HYOU1: variants seen among roughly 807,000 people sequenced by gnomAD.
HYOU1 encodes the protein hypoxia up-regulated 1, also known as hypoxia up-regulated protein 1.
Under a neutral mutation model 120.5 loss-of-function variants are expected in HYOU1, and 40 were observed. That is an observed-to-expected ratio of 0.33 (90% CI 0.26 to 0.43). The LOEUF (loss-of-function observed/expected upper bound fraction) is 0.43, where lower values mean the gene tolerates loss of function less well. Among genes scored for constraint, HYOU1 ranks in the 20% least tolerant of loss-of-function variants. HYOU1 has a pLI of 1.00. For synonymous variants in HYOU1, 501 were observed against 479.4 expected (o/e 1.05, Z -0.59); for missense variants, 1,085 against 1,278.3 (o/e 0.85, Z 2.31).
At position 119,049,527 on chromosome 11, in the gene HYOU1, A is replaced by G. The variant is rs2133573733; in HGVS notation, c.1806+29T>C. 8 of 1,611,556 alleles carry G rather than the reference A, an allele frequency of 5.0e-6. No individual in the cohort carries two copies. In the African/African-American group the frequency reaches 1.1e-4, roughly 22 times the overall value. ...CTACCTGCATCCCCCACCGTCCTCCATGCTTCCCTGGCTCCATCCTGAACT... is the reference window on the plus strand; with the variant it reads ...CTACCTGCATCCCCCACCGTCCTCCGTGCTTCCCTGGCTCCATCCTGAACT... On this transcript the variant is annotated intron_variant, in intron 16 of 25. Transcript: ENST00000617285.
rs1944413246 is a variant in HYOU1, at chr11:119,051,145, C to T, written c.1555G>A (p.Val519Met). 1.9e-6 allele frequency: 3 copies of T among 1,614,100 alleles called. No individual in the cohort carries two copies. In the South Asian group the frequency reaches 3.3e-5, roughly 18 times the overall value. Reference sequence around the variant, plus strand: ...CTGTCACCCACCCCTTTTAGCTTCACTGTGGTCAGATTCTGGGAGCCAAAT... The same window carrying T: ...CTGTCACCCACCCCTTTTAGCTTCATTGTGGTCAGATTCTGGGAGCCAAAT... The part of the protein sequence containing the change: ...RVFGSQNLTT[V>M]KLKGVGDSFK... The change falls in exon 14 of 26, where the codon GTG becomes ATG. Residue 519 changes from valine (V) to methionine (M), a missense_variant. Transcript: ENST00000617285. This position sits in a 1 kb window ranked among gnomAD's most constrained non-coding sequence, Gnocchi z 4.2.
chr11:119,054,914 C>G, intron 6 of HYOU1, 70 bp downstream of exon 6: 1 of 1,495,050 alleles, frequency 6.7e-7, no homozygotes, highest in Non-Finnish European at 9.2e-7. Context: ...GGCAAACTTG[C>G]CCCTGTTGGA....
chr11:119,046,880 C>T (rs1228050760), intron 22 of HYOU1, 78 bp from the exon 23 acceptor site: 13 of 1,534,436 alleles, frequency 8.5e-6, no homozygotes, highest in Middle Eastern at 2.4e-4. Flanking sequence ...AATCACACCC[C>T]CAACCAGCCT....
In HYOU1 at chr11:119,052,253, CCCTTTCCTACGGGGCATTCCCG is replaced by C; in HGVS notation, c.1122+20_1122+41del. ...CTTGACGTCCCATGGGTTTCCTATG[CCCTTTCCTACGGGGCATTCCCG>C]CCTTCCCCTACTCGCTCACCAGACT... On this transcript the variant is annotated intron_variant, in intron 10 of 25. Coordinates refer to ENST00000617285, the MANE Select transcript of HYOU1 (RefSeq NM_006389.5). The surrounding 1 kb of genome is among the most constrained non-coding windows in gnomAD (Gnocchi z 5.0). 6.2e-7 allele frequency: 1 copy of C among 1,614,060 alleles called. No individual in the cohort carries two copies. Among genetic ancestry groups the C allele is most frequent in the Non-Finnish European group, 8.5e-7 (1 of 1,179,944 alleles).
Position 119,047,838 on chromosome 11 carries a change from C to T in HYOU1, c.2511-20G>A. On this transcript the variant is annotated intron_variant, in intron 21 of 25. Coordinates refer to ENST00000617285, the MANE Select transcript of HYOU1 (RefSeq NM_006389.5). ...GCCCCCCTGGAAGCCAGAAAGGAGA[C>T]CATTAGCCCCAGAGGGAGAGGGGCC... The T allele has an allele frequency of 6.2e-7, 1 of 1,613,442 alleles. No individual in the cohort carries two copies. The highest frequency in any genetic ancestry group is 8.5e-7 in the Non-Finnish European group (1 of 1,179,664).
Position 119,054,588 on chromosome 11 carries a change from G to A in HYOU1, c.584C>T (p.Ala195Val). The stretch of plus-strand genomic sequence containing the variant: ...GATGAGCTGCAGCACTTTGAGGCCA[G>A]CCATACGAGCAGCCTGCAGCACAGC... The part of the protein sequence containing the change: ...RRAVLQAARM[A>V]GLKVLQLIND... Residue 195 changes from alanine (A) to valine (V), a missense_variant, in exon 7 of 26, where the codon GCT becomes GTT. Ala to Val is a moderately conservative substitution (Grantham distance 64). Coordinates refer to ENST00000617285, the MANE Select transcript of HYOU1 (RefSeq NM_006389.5). The A allele has an allele frequency of 1.2e-6, 2 of 1,614,154 alleles. No individual in the cohort carries two copies. The highest frequency in any genetic ancestry group is 2.2e-5 in the South Asian group (2 of 91,086).
At chr11:119,054,094 A>G in intron 8 of HYOU1, 27 bp downstream of exon 8, 1 of 1,445,828 alleles carries the variant, frequency 6.9e-7, no homozygotes, top group African/African-American at 1.4e-5. Context: ...CTTCACAAGC[A>G]GCCCTCCCTG....
rs2133544638 is a variant in HYOU1 at position 119,045,774 on chromosome 11, T to C, written c.2938+7A>G. On this transcript the variant is annotated splice_region_variant and intron_variant, in intron 25 of 25. Coordinates refer to ENST00000617285, the MANE Select transcript of HYOU1 (RefSeq NM_006389.5). Reference sequence around the variant, plus strand: ...GCTTCCCACCGTAGCCCCGGCTCCATCCTCACCTGCTCCAGGACCTCCTAA... The same window carrying C: ...GCTTCCCACCGTAGCCCCGGCTCCACCCTCACCTGCTCCAGGACCTCCTAA... 4 of 1,612,960 alleles carry C rather than the reference T, an allele frequency of 2.5e-6. No homozygotes were observed. The highest frequency in any genetic ancestry group is 8.5e-7 in the Non-Finnish European group (1 of 1,179,748).
Position 119,052,467 on chromosome 11 carries a change from A to G in HYOU1, c.988-38T>C. On this transcript the variant is annotated intron_variant, in intron 9 of 25. Transcript: ENST00000617285. This position sits in a 1 kb window ranked among gnomAD's most constrained non-coding sequence, Gnocchi z 5.0. ...GGGGACTGTCAGGGGGTTCTTGCCC[A>G]GCTCCCGCTCTCTTGGTGAGTAGGA... 2 of 1,613,896 alleles carry G rather than the reference A, an allele frequency of 1.2e-6. No individual in the cohort carries two copies. The highest frequency in any genetic ancestry group is 1.7e-6 in the Non-Finnish European group (2 of 1,179,970).
intron 14 of HYOU1, among the ~76,000 whole-genome samples, chr11:119,050,205 G>A (rs1010899488): frequency 3.3e-5 from 5 of 152,078 alleles, no homozygotes; most frequent in African/African-American, 1.2e-4. Context: ...TGAGGTCAGG[G>A]GTTTGAGACC....
At position 119,049,606 on chromosome 11, in the gene HYOU1, C is replaced by T. The variant is rs2133574467; in HGVS notation, c.1756G>A (p.Gly586Arg). ...KLGNTISSLF[G>R]GGTTPDAKEN... ...TTGGCATCTGGTGTGGTACCGCCTC[C>T]AAACAGGCTGGAAATGGTGTTGCCA... The change falls in exon 16 of 26, where the codon GGA (glycine) becomes AGA (arginine). Residue 586 changes from glycine to arginine, a missense_variant. Physicochemically the swap from Gly to Arg is moderately radical, Grantham distance 125. Coordinates refer to ENST00000617285, the MANE Select transcript of HYOU1 (RefSeq NM_006389.5). 1.2e-6 allele frequency: 2 copies of T among 1,614,152 alleles called. No homozygotes were observed. The highest frequency in any genetic ancestry group is 1.7e-6 in the Non-Finnish European group (2 of 1,180,036).
chr11:119,049,449 T>C, intron 16 of HYOU1, 107 bp downstream of exon 16: 1 of 1,562,902 alleles, frequency 6.4e-7, no homozygotes, highest in Non-Finnish European at 8.8e-7. Flanking sequence ...GAGTGAATGG[T>C]TAACACAACA....
rs2133591948 is a variant in HYOU1, at chr11:119,052,322, C to A, written c.1095G>T (p.Gln365His). The change falls in exon 10 of 26, where the codon CAG becomes CAT. Residue 365 changes from glutamine (Q) to histidine (H), a missense_variant. Gln to His is a conservative substitution (Grantham distance 24). This residue lies in a region of HYOU1 where 515 missense variants were observed against 677.8 expected (regional missense o/e 0.76). Coordinates refer to ENST00000617285, the MANE Select transcript of HYOU1 (RefSeq NM_006389.5). This position sits in a 1 kb window ranked among gnomAD's most constrained non-coding sequence, Gnocchi z 5.0. ...LFERVPGPVQ[Q>H]ALQSAEMSLD... Reference sequence around the variant, plus strand: ...GACTCATTTCGGCACTCTGGAGGGCCTGCTGTACAGGCCCAGGCACCCGCT... The same window carrying A: ...GACTCATTTCGGCACTCTGGAGGGCATGCTGTACAGGCCCAGGCACCCGCT... 1 of 1,614,220 alleles carries A rather than the reference C, an allele frequency of 6.2e-7. No individual in the cohort carries two copies. Among genetic ancestry groups the A allele is most frequent in the Non-Finnish European group, 8.5e-7 (1 of 1,180,032 alleles).
intron 1 of HYOU1, chr11:119,056,429 A>C (rs1944769055): frequency 9.0e-6 from 5 of 554,380 alleles, no homozygotes; most frequent in Non-Finnish European, 1.7e-5. Flanking sequence ...CTAACAGGAC[A>C]AGAGAAAGGA....
intron 24 of HYOU1, 150 bp from the exon 25 acceptor site, chr11:119,045,981 CAG>C (rs1944044443): frequency 2.5e-6 from 2 of 815,824 alleles, no homozygotes; most frequent in Non-Finnish European, 2.0e-6. Flanking sequence ...TTTTTTGAGA[CAG>C]AGTCTCTGTT....
At chr11:119,050,332 G>C (rs990656346) in intron 14 of HYOU1, among the ~76,000 whole-genome samples, 4 of 151,988 alleles carry the variant, frequency 2.6e-5, no homozygotes, top group Non-Finnish European at 5.9e-5. Context: ...AGAGTCACTT[G>C]AACCCGGGAG....
chr11:119,056,433 G>T (rs782159237), intron 1 of HYOU1: 7 of 548,834 alleles, frequency 1.3e-5, no homozygotes, highest in Admixed American at 2.3e-5. Context: ...CAGGACAAGA[G>T]AAAGGAGACC....
Position 119,048,592 on chromosome 11 carries a change from G to C in HYOU1, c.2166-29C>G. On this transcript the variant is annotated intron_variant, in intron 18 of 25. Transcript: ENST00000617285. This position sits in a 1 kb window ranked among gnomAD's most constrained non-coding sequence, Gnocchi z 4.7. The stretch of plus-strand genomic sequence containing the variant: ...TGGGACAAAGGAGGGGTAGGGATGA[G>C]GGAGAGGGCAAGTGAGAACTTGAGA... 1 of 1,612,264 alleles carries C rather than the reference G, an allele frequency of 6.2e-7. No homozygotes were observed. The highest frequency in any genetic ancestry group is 1.1e-5 in the South Asian group (1 of 91,024).
chr11:119,049,641 G>A lies in HYOU1; in HGVS notation c.1727-6C>T. On this transcript the variant is annotated splice_polypyrimidine_tract_variant and splice_region_variant and intron_variant, in intron 15 of 25. Coordinates refer to ENST00000617285, the MANE Select transcript of HYOU1 (RefSeq NM_006389.5). ...GGAAATGGTGTTGCCAAGTTCTAGG[G>A]GGAGTAAAACCCAAAGACTCAAAAG... is the stretch of plus-strand genomic sequence containing the variant. The A allele has an allele frequency of 1.2e-6, 2 of 1,614,096 alleles. No individual in the cohort carries two copies. Among genetic ancestry groups the A allele is most frequent in the South Asian group, 1.1e-5 (1 of 91,078 alleles).
Sources: allele counts gnomAD v4.1 joint callset (sites outside exome capture counted in the v4.1 genomes callset), GRCh38; gene constraint gnomAD v4.1.1; regional missense constraint gnomAD v4.1.1; non-coding constraint Gnocchi (gnomAD v3.1); transcripts MANE v1.5; gene names NCBI Gene and HGNC (gene_info 2026-07-23, HGNC 2026-07-21).